The following VWA3B variants were observed in gnomAD, a reference collection of about 807,000 sequenced individuals.
The protein encoded by VWA3B is von Willebrand factor A domain containing 3B, also known as von Willebrand factor A domain-containing protein 3B.
VWA3B carries 138 observed loss-of-function variants against 158.3 expected under a neutral mutation model. The observed-to-expected ratio is 0.87, with a 90% CI of 0.76 to 1.00. The LOEUF is 1.00. VWA3B is among the 50% of genes least tolerant of loss of function. VWA3B has a pLI of 0.00. For missense variants in VWA3B, 1,555 were observed against 1,565.1 expected, an observed-to-expected ratio of 0.99 and a Z score of 0.11; for synonymous variants, 596 against 587.3, an observed-to-expected ratio of 1.01 and a Z score of -0.21.
the VWA3B span, among the ~76,000 whole-genome samples, chr2:98,322,827 G>A: frequency 6.6e-6 from 1 of 152,284 alleles, no homozygotes. Flanking sequence ...AACACCCAAG[G>A]TGCCAGGATA....
chr2:98,209,731 C>T lies in VWA3B; in HGVS notation c.1738-2199C>T, dbSNP rs139278535. Reference sequence around the variant, plus strand: ...TCTGAGGCTCTGTTGGTATTGGCATCAGTGGGTTGCTTTTCTCATTCGAAT... The same window carrying T: ...TCTGAGGCTCTGTTGGTATTGGCATTAGTGGGTTGCTTTTCTCATTCGAAT... On this transcript the variant is annotated intron_variant, in intron 12 of 27. Transcript: ENST00000477737. Among the ~76,000 whole-genome samples the T allele has an allele frequency of 6.4e-3, 973 of 152,284 alleles. 5 individuals are homozygous for T. The highest frequency in any genetic ancestry group is 0.022 in the African/African-American group (928 of 41,552).
In VWA3B at chr2:98,236,715, T is replaced by C; in HGVS notation, c.2658T>C (p.Ser886=). Residue 886 remains serine (S), a synonymous_variant, in exon 19 of 28, where the codon TCT becomes TCC. Transcript: ENST00000477737. ...YVPVLDKHVV[S]KVFDEVFPLA... Reference sequence around the variant, plus strand: ...CCGTCCTGGACAAGCATGTCGTGTCTAAGGTCTTTGATGAGGTAAACTGAT... The same window carrying C: ...CCGTCCTGGACAAGCATGTCGTGTCCAAGGTCTTTGATGAGGTAAACTGAT... 6.2e-7 allele frequency: 1 copy of C among 1,613,676 alleles called. No homozygotes were observed. The highest frequency in any genetic ancestry group is 8.5e-7 in the Non-Finnish European group (1 of 1,179,904).
At chr2:98,242,650 G>A (rs1006793352) in intron 19 of VWA3B, among the ~76,000 whole-genome samples, 3 of 149,536 alleles carry the variant, frequency 2.0e-5, no homozygotes, top group Admixed American at 6.7e-5. Context: ...AGCCTGGATT[G>A]GTGCTCCAGC....
At chr2:98,328,973 G>C in the VWA3B span, among the ~76,000 whole-genome samples, 1 of 152,158 alleles carries the variant, frequency 6.6e-6, no homozygotes, top group African/African-American at 2.4e-5. Flanking sequence ...TGTGGTTTTG[G>C]TGAAAGGATT....
intron 7 of VWA3B, among the ~76,000 whole-genome samples, chr2:98,161,514 T>G (rs1158995535): frequency 6.6e-6 from 1 of 152,150 alleles, no homozygotes; most frequent in African/African-American, 2.4e-5. Flanking sequence ...ATAAGGTGGC[T>G]GAAGACAGAA....
chr2:98,285,720 G>A (rs1198693759), intron 22 of VWA3B, among the ~76,000 whole-genome samples: 1 of 150,290 alleles, frequency 6.7e-6, no homozygotes, highest in African/African-American at 2.4e-5. Context: ...TTTTTGGGGG[G>A]TCATCTGTGT....
At chr2:98,321,242 GT>G in the VWA3B span, among the ~76,000 whole-genome samples, 1 of 152,226 alleles carries the variant, frequency 6.6e-6, no homozygotes, top group Non-Finnish European at 1.5e-5. Context: ...CCAGGCAGAA[GT>G]TTGCTTCAGG....
At chr2:98,153,986 G>A (rs771074326) in intron 7 of VWA3B, among the ~76,000 whole-genome samples, 2 of 151,892 alleles carry the variant, frequency 1.3e-5, no homozygotes, top group Non-Finnish European at 2.9e-5. Context: ...CTCAGCCTCC[G>A]GAGTAGCTGG....
downstream of VWA3B, among the ~76,000 whole-genome samples, chr2:98,317,233 T>C (rs1256961503): frequency 6.6e-6 from 1 of 152,234 alleles, no homozygotes; most frequent in Non-Finnish European, 1.5e-5. Flanking sequence ...CCTGAGTTCA[T>C]GTATTACTAT....
At chr2:98,182,144 C>G (rs1334145871) in intron 9 of VWA3B, among the ~76,000 whole-genome samples, 1 of 152,214 alleles carries the variant, frequency 6.6e-6, no homozygotes, top group African/African-American at 2.4e-5. Flanking sequence ...AGGCGGGTGA[C>G]CGCAGCCCAG....
chr2:98,119,726 G>T lies in VWA3B; in HGVS notation c.505G>T (p.Glu169Ter), dbSNP rs1674808526. ...CREALTMVLQ[E>*]QVAHITEFNI... ...AGAGGCTCTAACAATGGTTCTCCAG[G>T]AGCAGGTGGCTCACATAACCGAGTT... The change falls in exon 4 of 28, where the codon GAG becomes TAG. Residue 169 changes from glutamate to a stop codon, truncating the protein, a stop_gained. Coordinates refer to ENST00000477737, the MANE Select transcript of VWA3B (RefSeq NM_144992.5). LOFTEE classifies it high-confidence loss of function. The T allele has an allele frequency of 6.2e-7, 1 of 1,614,156 alleles. No homozygotes were observed. The highest frequency in any genetic ancestry group is 1.7e-5 in the Admixed American group (1 of 60,030).
intron 14 of VWA3B, among the ~76,000 whole-genome samples, chr2:98,227,935 GATAAT>G (rs1162356585): frequency 6.6e-6 from 1 of 152,192 alleles, no homozygotes; most frequent in East Asian, 1.9e-4. Context: ...CTAAAAATGG[GATAAT>G]ATAAGAACAA....
chr2:98,287,112 G>A (rs1689211946), intron 22 of VWA3B, among the ~76,000 whole-genome samples: 1 of 152,152 alleles, frequency 6.6e-6, no homozygotes, highest in South Asian at 2.1e-4. Flanking sequence ...AGAATAAAAA[G>A]AGGGGAAAAT....
At chr2:98,187,825 G>A in intron 9 of VWA3B, 150 bp from the exon 10 acceptor site, 2 of 787,862 alleles carry the variant, frequency 2.5e-6, no homozygotes, top group East Asian at 3.0e-5. Context: ...GCGGGCAGCG[G>A]AACATATTTG....
chr2:98,088,731 A>G (rs1682045905), intron 1 of VWA3B, among the ~76,000 whole-genome samples: 5 of 152,062 alleles, frequency 3.3e-5, no homozygotes, highest in Admixed American at 3.3e-4. Flanking sequence ...TAAATAGCAT[A>G]GTTTTATCAG....
At chr2:98,239,339 CTCGTGCTAAATGAAATA>C (rs36228737) in intron 19 of VWA3B, among the ~76,000 whole-genome samples, 93,763 of 151,276 alleles carry the variant, frequency 0.62, 29,386 homozygotes, top group South Asian at 0.83. Flanking sequence ...ATGAAAAGTC[CTCGTGCTAAATGAAATA>C]TCGTGCTAAA....
chr2:98,316,379 A>T (rs1345411238), downstream of VWA3B, among the ~76,000 whole-genome samples: 1 of 152,170 alleles, frequency 6.6e-6, no homozygotes, highest in African/African-American at 2.4e-5. Flanking sequence ...GCGGTGGCTC[A>T]TGCCTGTAAT....
chr2:98,270,488 G>T (rs999631330), intron 21 of VWA3B, among the ~76,000 whole-genome samples, 194 bp from the exon 22 acceptor site: 3 of 152,218 alleles, frequency 2.0e-5, no homozygotes, highest in African/African-American at 7.2e-5. Flanking sequence ...TCTAACCTTT[G>T]CAAGCTACCA....
intron 22 of VWA3B, among the ~76,000 whole-genome samples, chr2:98,278,482 G>A (rs1004937236): frequency 2.0e-5 from 3 of 152,194 alleles, no homozygotes; most frequent in East Asian, 1.9e-4. Flanking sequence ...CAGGTCACAC[G>A]AACAAATTGA....
Sources: gnomAD v4.1 joint callset for allele counts (sites outside exome capture counted in the v4.1 genomes callset) on GRCh38, gnomAD v4.1.1 for gene constraint, MANE v1.5 for transcripts, NCBI Gene and HGNC (gene_info 2026-07-23, HGNC 2026-07-21) for gene names.